The following TEC variants were observed in gnomAD, a reference collection of about 807,000 sequenced individuals.
The protein encoded by TEC is tyrosine-protein kinase Tec.
TEC carries 72 observed loss-of-function variants against 93.0 expected under a neutral mutation model. The ratio of observed to expected loss-of-function variants is 0.77; its 90% CI spans 0.64 to 0.94. The LOEUF (loss-of-function observed/expected upper bound fraction) is 0.94, where lower values mean the gene tolerates loss of function less well. TEC is among the 40% of genes least tolerant of loss of function. The probability of loss-of-function intolerance (pLI) is 0.00; values close to 1 mark genes in which losing one functional copy is unlikely to be tolerated. For synonymous variants in TEC, 249 were observed against 247.7 expected, an observed-to-expected ratio of 1.01 and a Z score of -0.05; for missense variants, 630 against 757.9, an observed-to-expected ratio of 0.83 and a Z score of 1.98.
At chr4:48,204,145 A>T (rs1481119837) in intron 2 of TEC, among the ~76,000 whole-genome samples, 1 of 152,216 alleles carries the variant, frequency 6.6e-6, no homozygotes, top group Non-Finnish European at 1.5e-5. Flanking sequence ...GGCATCTGGA[A>T]ACTTGAATCT....
At chr4:48,183,628 C>T (rs1217318666) in intron 2 of TEC, among the ~76,000 whole-genome samples, 1 of 152,210 alleles carries the variant, frequency 6.6e-6, no homozygotes, top group East Asian at 1.9e-4. Flanking sequence ...CCACCAGCAG[C>T]CTCCTCCCCT....
rs958477858 is a variant in TEC at position 48,138,532 on chromosome 4, T to C, written c.1812+133A>G. The C allele has an allele frequency of 1.1e-5, 11 of 1,004,664 alleles. No individual in the cohort carries two copies. In the South Asian group the frequency reaches 1.6e-4, roughly 15 times the overall value. The allele number at this position is 1,004,664 out of a possible 1,614,324, so 62.2% of individuals were successfully genotyped here. The stretch of plus-strand genomic sequence containing the variant: ...TTATTCAGAACTTGAGTTGAGAGGG[T>C]TGGCTTCCTACCTAGAGCTTGAAAT... On this transcript the variant is annotated intron_variant, in intron 17 of 17. Transcript: ENST00000381501.
chr4:48,217,956 GAA>G (rs35176630), intron 2 of TEC, among the ~76,000 whole-genome samples: 13 of 134,438 alleles, frequency 9.7e-5, no homozygotes, highest in Admixed American at 2.9e-4. Flanking sequence ...GCTTCCTAGA[GAA>G]AAAAAAAAAA....
chr4:48,183,271 A>C (rs1721668767), intron 2 of TEC, among the ~76,000 whole-genome samples: 1 of 152,238 alleles, frequency 6.6e-6, no homozygotes, highest in South Asian at 2.1e-4. Context: ...TATCAGCAGG[A>C]TTAAAGATAA....
At chr4:48,149,759 T>C (rs549763435) in intron 10 of TEC, 69 bp from the exon 11 acceptor site, 2 of 1,490,938 alleles carry the variant, frequency 1.3e-6, no homozygotes, top group South Asian at 1.4e-5. Flanking sequence ...AGATGTTTTC[T>C]ACAAGGGCAA....
At chr4:48,155,609 C>T (rs747539396) in intron 9 of TEC, among the ~76,000 whole-genome samples, 2 of 152,280 alleles carry the variant, frequency 1.3e-5, no homozygotes, top group East Asian at 3.9e-4. Context: ...CTAATAGAGA[C>T]AGCAGTATCT....
chr4:48,145,051 G>T, intron 14 of TEC, 28 bp downstream of exon 14: 2 of 1,601,650 alleles, frequency 1.2e-6, no homozygotes, highest in South Asian at 1.1e-5. Flanking sequence ...TTCAGCCAAT[G>T]AGTGGGAATA....
intron 2 of TEC, among the ~76,000 whole-genome samples, chr4:48,227,845 T>G: frequency 6.6e-6 from 1 of 152,080 alleles, no homozygotes; most frequent in East Asian, 1.9e-4. Flanking sequence ...CAGAGGTGAT[T>G]GCACATTCAA....
chr4:48,151,836 A>G lies in TEC; in HGVS notation c.793-894T>C, dbSNP rs187963585. Among the ~76,000 whole-genome samples, 114 of 152,280 alleles carry G rather than the reference A, an allele frequency of 7.5e-4. 2 individuals are homozygous for G. Among genetic ancestry groups the G allele is most frequent in the Admixed American group, 5.2e-3 (80 of 15,278 alleles). ...AGATGGAGGCACAAGTAACTTAAAC[A>G]GAGAAAATCAATAGTTGGAAACAAT... On this transcript the variant is annotated intron_variant, in intron 9 of 17. Transcript: ENST00000381501.
At chr4:48,180,178 G>T (rs1721527123) in intron 2 of TEC, among the ~76,000 whole-genome samples, 1 of 152,024 alleles carries the variant, frequency 6.6e-6, no homozygotes, top group African/African-American at 2.4e-5. Context: ...TAAAAGCAAT[G>T]GCAAAAGCTG....
chr4:48,253,373 C>T (rs1481667645), intron 1 of TEC, among the ~76,000 whole-genome samples: 2 of 151,986 alleles, frequency 1.3e-5, no homozygotes, highest in African/African-American at 4.8e-5. Flanking sequence ...TCTCTAAAGC[C>T]CGTAGTCTTA....
chr4:48,217,429 G>A (rs73138476), intron 2 of TEC, among the ~76,000 whole-genome samples: 1,789 of 152,214 alleles, frequency 0.012, 41 homozygotes, highest in African/African-American at 0.041. Context: ...ACTCATCCTA[G>A]TGAACCATGC....
intron 1 of TEC, among the ~76,000 whole-genome samples, chr4:48,253,757 T>C (rs986834187): frequency 1.3e-5 from 2 of 151,982 alleles, no homozygotes; most frequent in African/African-American, 4.8e-5. Context: ...GTAGTTTTAG[T>C]AGAGACAGGA....
At chr4:48,228,326 C>A in intron 2 of TEC, 151 bp downstream of exon 2, 3 of 793,306 alleles carry the variant, frequency 3.8e-6, no homozygotes, top group Non-Finnish European at 3.7e-6. Context: ...AATTTCTATC[C>A]ATACTCTGAA....
chr4:48,268,005 G>A (rs758340803), intron 1 of TEC, among the ~76,000 whole-genome samples: 20 of 152,210 alleles, frequency 1.3e-4, no homozygotes, highest in Non-Finnish European at 2.1e-4. Context: ...TTCCCCAAGC[G>A]TAAAAGTAGG....
chr4:48,263,305 C>T (rs1483450572), intron 1 of TEC, among the ~76,000 whole-genome samples: 1 of 152,184 alleles, frequency 6.6e-6, no homozygotes, highest in African/African-American at 2.4e-5. Context: ...GACACCAATC[C>T]CATCTTTCAG....
chr4:48,185,450 T>A (rs79502000), intron 2 of TEC, among the ~76,000 whole-genome samples: 5,631 of 152,282 alleles, frequency 0.037, 297 homozygotes, highest in East Asian at 0.22. Flanking sequence ...TTAGAGGCAC[T>A]TCCAATTTGA....
chr4:48,155,175 G>T (rs999870879), intron 9 of TEC, among the ~76,000 whole-genome samples: 2 of 152,210 alleles, frequency 1.3e-5, no homozygotes, highest in Admixed American at 6.5e-5. Context: ...TTTATGTAAA[G>T]TAGCTGTGTC....
intron 1 of TEC, among the ~76,000 whole-genome samples, chr4:48,232,803 G>A (rs1223034700): frequency 1.3e-5 from 2 of 152,206 alleles, no homozygotes; most frequent in Non-Finnish European, 2.9e-5. Context: ...AAATAAATAT[G>A]TGCCAGGTCC....
Sources: allele counts gnomAD v4.1 joint callset (sites outside exome capture counted in the v4.1 genomes callset), GRCh38; gene constraint gnomAD v4.1.1; transcripts MANE v1.5; gene names NCBI Gene and HGNC (gene_info 2026-07-23, HGNC 2026-07-21).